The following PRKN variants were observed in gnomAD, a reference collection of about 807,000 sequenced individuals.
PRKN encodes the protein E3 ubiquitin-protein ligase parkin.
A neutral mutation model predicts 59.5 loss-of-function variants in PRKN; 56 were observed. The ratio of observed to expected loss-of-function variants is 0.94; its 90% CI spans 0.76 to 1.18. The LOEUF (loss-of-function observed/expected upper bound fraction) is 1.18. Among genes scored for constraint, PRKN ranks in the 50% most tolerant of loss-of-function variants. The pLI is 0.00. For missense variants in PRKN, 657 were observed against 596.4 expected (o/e 1.10, Z -1.06); for synonymous variants, 250 against 222.1 (o/e 1.13, Z -1.12).
rs1779717025 is a variant in PRKN at position 162,257,965 on chromosome 6, C to T, written c.412+4560G>A. On this transcript the variant is annotated intron_variant, in intron 3 of 11. Transcript: ENST00000366898. The stretch of plus-strand genomic sequence containing the variant: ...TCCACCCTGCCCTTTTTCTGACATC[C>T]TCTTCTCCGAGCTCCACCTGCTCCA... Among the ~76,000 whole-genome samples, 4 of 152,242 alleles carry T rather than the reference C, an allele frequency of 2.6e-5. 2 individuals are homozygous for T. In the South Asian group the frequency reaches 8.3e-4, roughly 32 times the overall value.
At chr6:161,957,828 C>T (rs752209050) in intron 6 of PRKN, among the ~76,000 whole-genome samples, 1 of 152,152 alleles carries the variant, frequency 6.6e-6, no homozygotes, top group African/African-American at 2.4e-5. Context: ...AGAGGGCTTG[C>T]GCTCAGGGGG....
At chr6:162,173,274 C>T (rs1156513607) in intron 4 of PRKN, among the ~76,000 whole-genome samples, 3 of 152,270 alleles carry the variant, frequency 2.0e-5, no homozygotes, top group Admixed American at 6.5e-5. Flanking sequence ...TCAGAACTCC[C>T]GTCTCATGTC....
intron 1 of PRKN, among the ~76,000 whole-genome samples, chr6:162,580,315 G>A (rs1780738842): frequency 6.6e-6 from 1 of 152,038 alleles, no homozygotes; most frequent in South Asian, 2.1e-4. Flanking sequence ...GTGCATGCCT[G>A]CAGTCCCGGC....
intron 5 of PRKN, among the ~76,000 whole-genome samples, chr6:161,990,383 GA>G (rs35768110): frequency 0.48 from 72,367 of 151,928 alleles, 17,449 homozygotes; most frequent in East Asian, 0.6. Context: ...TACATCTGTA[GA>G]AAAAAGTAGT....
chr6:161,897,540 C>T (rs1471320956), intron 6 of PRKN, among the ~76,000 whole-genome samples: 2 of 152,236 alleles, frequency 1.3e-5, no homozygotes, highest in East Asian at 1.9e-4. Context: ...CTTACCAAAG[C>T]AATACAATTT....
intron 2 of PRKN, among the ~76,000 whole-genome samples, chr6:162,400,794 T>C (rs1787754109): frequency 6.6e-6 from 1 of 152,182 alleles, no homozygotes; most frequent in South Asian, 2.1e-4. Context: ...AACAGTCATT[T>C]CCTTGAAGAG....
intron 2 of PRKN, among the ~76,000 whole-genome samples, chr6:162,427,821 A>AT (rs1004090393): frequency 6.6e-6 from 1 of 151,546 alleles, no homozygotes; most frequent in East Asian, 1.9e-4. Flanking sequence ...AATGTTTTGC[A>AT]TTTTTTTTAG....
At chr6:162,567,004 T>C (rs949179489) in intron 1 of PRKN, among the ~76,000 whole-genome samples, 1 of 152,170 alleles carries the variant, frequency 6.6e-6, no homozygotes, top group Non-Finnish European at 1.5e-5. Context: ...GAATGAAAGA[T>C]AAAAATCATA....
At chr6:161,569,578 C>G (rs1447345073) in intron 7 of PRKN, among the ~76,000 whole-genome samples, 162 bp from the exon 8 acceptor site, 1 of 152,184 alleles carries the variant, frequency 6.6e-6, no homozygotes, top group Non-Finnish European at 1.5e-5. Flanking sequence ...AAAAGCCAAA[C>G]CCTCAAAAGA....
intron 1 of PRKN, among the ~76,000 whole-genome samples, chr6:162,574,774 T>A (rs1583834642): frequency 6.6e-6 from 1 of 152,068 alleles, no homozygotes; most frequent in African/African-American, 2.4e-5. Context: ...GTTGTTTTTT[T>A]TTTTTGCTGA....
chr6:162,527,452 A>C (rs1778333281), intron 1 of PRKN, among the ~76,000 whole-genome samples: 1 of 152,210 alleles, frequency 6.6e-6, no homozygotes, highest in African/African-American at 2.4e-5. Context: ...AAATTATCTA[A>C]GTGAAAATCA....
At chr6:161,682,807 A>G (rs1467575959) in intron 7 of PRKN, among the ~76,000 whole-genome samples, 1 of 152,104 alleles carries the variant, frequency 6.6e-6, no homozygotes, top group Non-Finnish European at 1.5e-5. Flanking sequence ...ATGAAGAACC[A>G]TCCCTGCACC....
At chr6:161,616,279 T>G (rs1271113944) in intron 7 of PRKN, among the ~76,000 whole-genome samples, 2 of 152,196 alleles carry the variant, frequency 1.3e-5, no homozygotes, top group Admixed American at 6.5e-5. Context: ...CTGCTCTCCC[T>G]GCAAGGGGAG....
chr6:161,629,003 A>C (rs950553364), intron 7 of PRKN, among the ~76,000 whole-genome samples: 1 of 152,190 alleles, frequency 6.6e-6, no homozygotes, highest in Non-Finnish European at 1.5e-5. Flanking sequence ...CATAATGGGC[A>C]GGCAAAGGAG....
At chr6:162,188,323 C>T (rs1385038086) in intron 4 of PRKN, among the ~76,000 whole-genome samples, 1 of 152,148 alleles carries the variant, frequency 6.6e-6, no homozygotes, top group Non-Finnish European at 1.5e-5. Context: ...CCACTATGAC[C>T]AACCCTGGTG....
chr6:162,003,811 A>C (rs909881329), intron 5 of PRKN, among the ~76,000 whole-genome samples: 1 of 152,166 alleles, frequency 6.6e-6, no homozygotes, highest in African/African-American at 2.4e-5. Flanking sequence ...ATAAAAGTCA[A>C]TTAGGTCCTG....
intron 2 of PRKN, among the ~76,000 whole-genome samples, chr6:162,335,173 T>C (rs1334123062): frequency 6.6e-6 from 1 of 151,422 alleles, no homozygotes; most frequent in African/African-American, 2.4e-5. Context: ...GGCACCACGT[T>C]TGGCTACTTT....
intron 9 of PRKN, among the ~76,000 whole-genome samples, chr6:161,493,204 G>A (rs1326342812): frequency 6.6e-6 from 1 of 152,152 alleles, no homozygotes; most frequent in Non-Finnish European, 1.5e-5. Context: ...CCCACAAAGT[G>A]TCTGGCACAC....
At chr6:162,240,301 T>A (rs1029736372) in intron 3 of PRKN, among the ~76,000 whole-genome samples, 2 of 152,216 alleles carry the variant, frequency 1.3e-5, no homozygotes, top group Non-Finnish European at 2.9e-5. Flanking sequence ...GCAAATGACA[T>A]CTTGCGGTAT....
Sources: allele counts gnomAD v4.1 joint callset (sites outside exome capture counted in the v4.1 genomes callset), GRCh38; gene constraint gnomAD v4.1.1; transcripts MANE v1.5; gene names NCBI Gene and HGNC (gene_info 2026-07-23, HGNC 2026-07-21).